Variants in MEF2C observed in about 807,000 individuals in gnomAD.
MEF2C encodes myocyte-specific enhancer factor 2C.
A neutral mutation model predicts 50.5 loss-of-function variants in MEF2C; 6 were observed. That is an observed-to-expected ratio of 0.12 (90% CI 0.07 to 0.23). MEF2C has a LOEUF of 0.23. Among genes scored for constraint, MEF2C ranks in the 10% least tolerant of loss-of-function variants. The pLI is 1.00. For synonymous variants in MEF2C, 183 were observed against 228.0 expected, an observed-to-expected ratio of 0.80 and a Z score of 1.78; for missense variants, 276 against 605.0, an observed-to-expected ratio of 0.46 and a Z score of 5.70.
intron 1 of MEF2C, among the ~76,000 whole-genome samples, chr5:88,861,580 A>G (rs1825535162): frequency 6.6e-6 from 1 of 152,228 alleles, no homozygotes; most frequent in Non-Finnish European, 1.5e-5. Context: ...CTGACACTTA[A>G]TAGATTTATA....
intron 2 of MEF2C, among the ~76,000 whole-genome samples, chr5:88,810,533 CA>C (rs11336829): frequency 0.49 from 75,088 of 151,784 alleles, 19,811 homozygotes; most frequent in African/African-American, 0.67. Flanking sequence ...TGAGTTTGTT[CA>C]GCAAAAATGT....
intron 3 of MEF2C, among the ~76,000 whole-genome samples, chr5:88,792,655 GC>G (rs1794312569): frequency 6.6e-6 from 1 of 152,168 alleles, no homozygotes; most frequent in South Asian, 2.1e-4. Flanking sequence ...GTAGCCACTA[GC>G]CACACATGAC....
intron 1 of MEF2C, chr5:88,892,220 A>G (rs1419653453): frequency 6.6e-6 from 1 of 152,124 alleles, no homozygotes; most frequent in Non-Finnish European, 1.5e-5. Flanking sequence ...ACAACCGAGA[A>G]GGCTGGTCTG....
At chr5:88,813,334 T>C (rs1161396490) in intron 2 of MEF2C, among the ~76,000 whole-genome samples, 2 of 152,028 alleles carry the variant, frequency 1.3e-5, no homozygotes, top group Non-Finnish European at 2.9e-5. Flanking sequence ...AAATAACAAG[T>C]TCTAAAAACA....
chr5:88,886,747 G>A (rs143657186), upstream of MEF2C, among the ~76,000 whole-genome samples: 471 of 152,238 alleles, frequency 3.1e-3, 6 homozygotes, highest in African/African-American at 0.011. Flanking sequence ...AGAGTCACTT[G>A]TTTTTCCCTC....
At chr5:88,780,792 T>A in intron 3 of MEF2C, 1 of 985,478 alleles carries the variant, frequency 1.0e-6, no homozygotes, top group Non-Finnish European at 1.2e-6. Context: ...ACTTGTGTTA[T>A]CCTTGCTAAT....
intron 3 of MEF2C, among the ~76,000 whole-genome samples, chr5:88,762,672 A>T (rs947875731): frequency 2.0e-5 from 3 of 152,144 alleles, no homozygotes. Context: ...AAAACTTCTG[A>T]TTAATCATAG....
chr5:88,880,599 G>A (rs1832536194), intron 1 of MEF2C, among the ~76,000 whole-genome samples: 1 of 152,216 alleles, frequency 6.6e-6, no homozygotes, highest in East Asian at 1.9e-4. Context: ...TTTAAATAAA[G>A]TATTTATTAG....
chr5:88,839,991 C>T (rs1816743875), intron 1 of MEF2C, among the ~76,000 whole-genome samples: 1 of 152,068 alleles, frequency 6.6e-6, no homozygotes, highest in South Asian at 2.1e-4. Context: ...GTTAGAAATA[C>T]ATATTTGTAT....
At chr5:88,740,865 A>G (rs1386718296) in intron 6 of MEF2C, 1 of 985,266 alleles carries the variant, frequency 1.0e-6, no homozygotes, top group Non-Finnish European at 1.2e-6. Context: ...TCTCTTTGCT[A>G]AAAATGAGGG....
chr5:88,889,063 T>C (rs568363546), intron 1 of MEF2C: 2 of 152,190 alleles, frequency 1.3e-5, no homozygotes, highest in Non-Finnish European at 2.9e-5. Context: ...GGGGTTGTGG[T>C]GGAAGTGGGG....
chr5:88,743,575 T>C (rs1165997317), intron 6 of MEF2C: 4 of 979,558 alleles, frequency 4.1e-6, no homozygotes, highest in East Asian at 2.3e-4. Flanking sequence ...TCATAAAACA[T>C]TGCGTGTAAA....
chr5:88,723,194 T>C (rs1335421449), intron 10 of MEF2C, among the ~76,000 whole-genome samples: 1 of 152,166 alleles, frequency 6.6e-6, no homozygotes, highest in Non-Finnish European at 1.5e-5. Flanking sequence ...CCTAAACATA[T>C]AGGTTACCAT....
At chr5:88,866,054 C>G (rs1156260904) in intron 1 of MEF2C, among the ~76,000 whole-genome samples, 1 of 152,136 alleles carries the variant, frequency 6.6e-6, no homozygotes, top group African/African-American at 2.4e-5. Flanking sequence ...CGCAACCACG[C>G]CCGGCTAATT....
intron 10 of MEF2C, among the ~76,000 whole-genome samples, chr5:88,723,985 C>T (rs1757464062): frequency 6.6e-6 from 1 of 152,004 alleles, no homozygotes; most frequent in Admixed American, 6.6e-5. Context: ...CAGGATAAAC[C>T]ATAGTGGCAT....
chr5:88,785,540 A>G (rs538261829), intron 3 of MEF2C: 1 of 152,272 alleles, frequency 6.6e-6, no homozygotes, highest in South Asian at 2.1e-4. Flanking sequence ...GCTAAACTAA[A>G]ATGAGTCAGC....
At chr5:88,830,350 C>T (rs934314288) in intron 1 of MEF2C, among the ~76,000 whole-genome samples, 30 of 152,014 alleles carry the variant, frequency 2.0e-4, no homozygotes, top group African/African-American at 7.0e-4. Context: ...AAAAGGAACT[C>T]GTTTTCTTAA....
At chr5:88,882,210 G>A (rs906883886) in intron 1 of MEF2C, among the ~76,000 whole-genome samples, 3 of 152,132 alleles carry the variant, frequency 2.0e-5, no homozygotes, top group African/African-American at 7.2e-5. Flanking sequence ...CATCGAGTTT[G>A]GTAACTTTCA....
At chr5:88,831,012 T>C (rs748401361) in intron 1 of MEF2C, among the ~76,000 whole-genome samples, 6 of 152,148 alleles carry the variant, frequency 3.9e-5, no homozygotes, top group African/African-American at 4.8e-5. Context: ...GTTGCTATTA[T>C]AGATTTTCAT....
Sources: gnomAD v4.1 joint callset for allele counts (sites outside exome capture counted in the v4.1 genomes callset) on GRCh38, gnomAD v4.1.1 for gene constraint, MANE v1.5 for transcripts, NCBI Gene and HGNC (gene_info 2026-07-23, HGNC 2026-07-21) for gene names.